The following BCL11A variants were observed in gnomAD, a reference collection of about 807,000 sequenced individuals.
BCL11A encodes B cell CLL/lymphoma 11A.
Under a neutral mutation model 55.9 loss-of-function variants are expected in BCL11A, and 2 were observed. The ratio of observed to expected loss-of-function variants is 0.04; its 90% CI spans 0.01 to 0.11. The LOEUF is 0.11. Among genes scored for constraint, BCL11A ranks in the 10% least tolerant of loss-of-function variants. The pLI is 1.00. For missense variants in BCL11A, 817 were observed against 1,137.1 expected (o/e 0.72, Z 4.05); for synonymous variants, 465 against 473.4 (o/e 0.98, Z 0.23).
chr2:60,508,664 G>C (rs1679784684), intron 2 of BCL11A: 1 of 152,272 alleles, frequency 6.6e-6, no homozygotes, highest in Non-Finnish European at 1.5e-5. Context: ...GGACACGGCA[G>C]GAAACAGCCT....
At position 60,476,708 on chromosome 2, in the gene BCL11A, T is replaced by G. The variant is rs186802469; in HGVS notation, c.386-7875A>C. Reference sequence around the variant, plus strand: ...GGCTTCTAACATTTTACCTTTTAAGTGTGTCTTCCTTCCCCCAACCCCCAA... The same window carrying G: ...GGCTTCTAACATTTTACCTTTTAAGGGTGTCTTCCTTCCCCCAACCCCCAA... On this transcript the variant is annotated intron_variant, in intron 2 of 3. Transcript: ENST00000642384. Among the ~76,000 whole-genome samples the G allele has an allele frequency of 1.6e-3, 243 of 152,368 alleles. 2 individuals are homozygous for G. Among genetic ancestry groups the G allele is most frequent in the Non-Finnish European group, 2.3e-3 (157 of 68,038 alleles).
rs1676042596 is a variant in BCL11A, at chr2:60,458,365, C to T, written c.*2039G>A. 2.0e-6 allele frequency: 2 copies of T among 1,025,282 alleles called. No individual in the cohort carries two copies. Among genetic ancestry groups the T allele is most frequent in the Admixed American group, 5.8e-5 (1 of 17,224 alleles). 63.5% of individuals were successfully genotyped at this position (1,025,282 alleles called of 1,614,324 possible). A position where few individuals can be genotyped will look rare whatever the true frequency, so the allele number is the denominator to read the frequency against. On this transcript the variant is annotated 3_prime_UTR_variant, in exon 4 of 4. Transcript: ENST00000642384. Reference sequence around the variant, plus strand: ...AAATGGATAACAAGTCTTGTAACACCACCAAGACAATGGAACCCTAAAATG... The same window carrying T: ...AAATGGATAACAAGTCTTGTAACACTACCAAGACAATGGAACCCTAAAATG...
intron 2 of BCL11A, among the ~76,000 whole-genome samples, chr2:60,511,638 T>C (rs1460975105): frequency 3.3e-5 from 5 of 152,340 alleles, no homozygotes; most frequent in Admixed American, 6.5e-5. Context: ...AACTGCACTA[T>C]TAATGACAAC....
intron 2 of BCL11A, chr2:60,522,890 G>A (rs1380841717): frequency 6.6e-6 from 1 of 152,218 alleles, no homozygotes; most frequent in African/African-American, 2.4e-5. Flanking sequence ...GGTTCTGCAG[G>A]CAAGAGCAAA....
At chr2:60,527,228 C>T (rs1231226843) in intron 2 of BCL11A, 1 of 152,172 alleles carries the variant, frequency 6.6e-6, no homozygotes, top group Non-Finnish European at 1.5e-5. Flanking sequence ...CACTGATTTT[C>T]AAGGGAAGAG....
At chr2:60,531,958 G>T (rs1669475437) in intron 2 of BCL11A, among the ~76,000 whole-genome samples, 1 of 152,100 alleles carries the variant, frequency 6.6e-6, no homozygotes, top group Non-Finnish European at 1.5e-5. Flanking sequence ...CTGGGTTAAG[G>T]CTCGGAATCC....
intron 2 of BCL11A, among the ~76,000 whole-genome samples, chr2:60,514,730 A>T (rs1668654621): frequency 6.6e-6 from 1 of 151,924 alleles, no homozygotes. Flanking sequence ...GAGTTGTGCA[A>T]ATAAATCTAG....
At chr2:60,524,706 T>C (rs1469159933) in intron 2 of BCL11A, 1 of 152,212 alleles carries the variant, frequency 6.6e-6, no homozygotes. Context: ...AACTGATTCA[T>C]TTGCCCCTTA....
intron 3 of BCL11A, among the ~76,000 whole-genome samples, chr2:60,465,438 A>G (rs1387859055): frequency 6.6e-6 from 1 of 152,228 alleles, no homozygotes. Context: ...CTGGCCCCTA[A>G]GCATAGGAAC....
intron 1 of BCL11A, among the ~76,000 whole-genome samples, chr2:60,548,220 A>C (rs1048433792): frequency 2.0e-5 from 3 of 152,154 alleles, no homozygotes; most frequent in African/African-American, 7.2e-5. Flanking sequence ...ATTAGCTACA[A>C]GTTCTGAGGT....
At chr2:60,506,963 T>C (rs1161350128) in intron 2 of BCL11A, among the ~76,000 whole-genome samples, 2 of 152,114 alleles carry the variant, frequency 1.3e-5, no homozygotes, top group Non-Finnish European at 2.9e-5. Context: ...AGGCATGTGA[T>C]GAACAGAGCT....
Position 60,459,811 on chromosome 2 carries a change from ATTT to A in BCL11A, c.*590_*592del. 3.8e-6 allele frequency: 4 copies of A among 1,043,044 alleles called. No homozygotes were observed. The highest frequency in any genetic ancestry group is 1.7e-5 in the African/African-American group (1 of 59,944). The allele number at this position is 1,043,044 out of a possible 1,614,324, so 64.6% of individuals were successfully genotyped here. A position where few individuals can be genotyped will look rare whatever the true frequency, so the allele number is the denominator to read the frequency against. On this transcript the variant is annotated 3_prime_UTR_variant, in exon 4 of 4. Transcript: ENST00000642384. ...AGAGACAGACATTTAGCTCATAGAG[ATTT>A]TTTTTCAGTGCTATCTATTCTGTCT...
At chr2:60,483,300 G>C (rs542485150) in intron 2 of BCL11A, among the ~76,000 whole-genome samples, 1 of 152,300 alleles carries the variant, frequency 6.6e-6, no homozygotes, top group South Asian at 2.1e-4. Context: ...AGGAAAAGAA[G>C]ACACACAAAT....
At chr2:60,452,647 A>G, downstream of BCL11A, 2 of 1,613,906 alleles carry the variant, frequency 1.2e-6, no homozygotes, top group Non-Finnish European at 1.7e-6. Context: ...TACTACGCCG[A>G]ATGGGGGTGT....
intron 2 of BCL11A, among the ~76,000 whole-genome samples, chr2:60,483,522 G>C (rs1423223525): frequency 6.6e-6 from 1 of 152,194 alleles, no homozygotes; most frequent in Non-Finnish European, 1.5e-5. Context: ...CAAATCAACT[G>C]CTGTCTATGT....
At chr2:60,508,321 G>A (rs1277042522) in intron 2 of BCL11A, among the ~76,000 whole-genome samples, 2 of 152,190 alleles carry the variant, frequency 1.3e-5, no homozygotes, top group African/African-American at 2.4e-5. Context: ...AGGAGACAGA[G>A]AAGCTTCCTG....
chr2:60,511,373 A>G lies in BCL11A; in HGVS notation c.385+34598T>C, dbSNP rs189984760. 1.1e-3 allele frequency among the ~76,000 whole-genome samples: 168 copies of G among 152,360 alleles called. 5 individuals are homozygous for G. In the East Asian group the frequency reaches 0.026, roughly 23 times the overall value. ...ATAACAAGGAGAAGTCTGAATTAAAAGAACTCGCCAATTTGGGAAGTAATG... is the reference window on the plus strand; with the variant it reads ...ATAACAAGGAGAAGTCTGAATTAAAGGAACTCGCCAATTTGGGAAGTAATG... On this transcript the variant is annotated intron_variant, in intron 2 of 3. Coordinates refer to ENST00000642384, the MANE Select transcript of BCL11A (RefSeq NM_022893.4).
Position 60,460,308 on chromosome 2 carries a change from A to C in BCL11A, c.*96T>G. The C allele has an allele frequency of 4.0e-6, 6 of 1,496,380 alleles. No individual in the cohort carries two copies. In the South Asian group the frequency reaches 8.5e-5, roughly 21 times the overall value. 92.7% of individuals were successfully genotyped at this position (1,496,380 alleles called of 1,614,324 possible). A position where few individuals can be genotyped will look rare whatever the true frequency, so the allele number is the denominator to read the frequency against. ...GTTTAAATCACATGGGACTAGAAAA[A>C]AATCCTACAGGGAGTGGGGCTGGAG... On this transcript the variant is annotated 3_prime_UTR_variant, in exon 4 of 4. Coordinates refer to ENST00000642384, the MANE Select transcript of BCL11A (RefSeq NM_022893.4).
intron 2 of BCL11A, among the ~76,000 whole-genome samples, chr2:60,509,231 G>T (rs1679833734): frequency 6.6e-6 from 1 of 152,212 alleles, no homozygotes; most frequent in Non-Finnish European, 1.5e-5. Context: ...AGGATTCCAA[G>T]AATTTTTTTA....
Sources: allele counts gnomAD v4.1 joint callset (sites outside exome capture counted in the v4.1 genomes callset), GRCh38; gene constraint gnomAD v4.1.1; transcripts MANE v1.5; gene names NCBI Gene and HGNC (gene_info 2026-07-23, HGNC 2026-07-21).